RILPL1: variants seen among roughly 807,000 people sequenced by gnomAD.
RILPL1 encodes Rab interacting lysosomal protein like 1.
Under a neutral mutation model 50.3 loss-of-function variants are expected in RILPL1, and 33 were observed. That is an observed-to-expected ratio of 0.66 (90% CI 0.50 to 0.88). The LOEUF (loss-of-function observed/expected upper bound fraction) is 0.88. Ranked by LOEUF, RILPL1 falls within the 40% of genes least tolerant of loss-of-function variation. RILPL1 has a pLI of 0.00. For missense variants in RILPL1, 418 were observed against 542.5 expected (o/e 0.77, Z 2.28); for synonymous variants, 205 against 228.6 (o/e 0.90, Z 0.93).
intron 6 of RILPL1, among the ~76,000 whole-genome samples, chr12:123,482,901 C>T (rs1882088004): frequency 6.6e-6 from 1 of 152,182 alleles, no homozygotes; most frequent in Non-Finnish European, 1.5e-5. Context: ...CCGCACCCAG[C>T]CCCAAGGGCA....
intron 2 of RILPL1, chr12:123,514,552 G>C (rs1884584524): frequency 6.6e-6 from 1 of 151,580 alleles, no homozygotes; most frequent in South Asian, 2.1e-4. Flanking sequence ...TCAGCCTCCC[G>C]AGTAGCTGGG....
chr12:123,503,868 G>T (rs902682070), intron 2 of RILPL1, among the ~76,000 whole-genome samples: 1 of 151,872 alleles, frequency 6.6e-6, no homozygotes. Context: ...AGGCATGGTG[G>T]TGCACGCCTG....
At chr12:123,495,757 G>A (rs1023650327) in intron 4 of RILPL1, among the ~76,000 whole-genome samples, 3 of 119,546 alleles carry the variant, frequency 2.5e-5, no homozygotes, top group African/African-American at 6.5e-5. Flanking sequence ...CTCAGCTAAC[G>A]GCAACCTCCG....
rs996281266 is a variant in RILPL1 at position 123,470,086 on chromosome 12, A to G, written c.*2452T>C. The G allele has an allele frequency of 1.3e-5, 2 of 152,150 alleles. No individual in the cohort carries two copies. Among genetic ancestry groups the G allele is most frequent in the African/African-American group, 2.4e-5 (1 of 41,444 alleles). 9.4% of individuals were successfully genotyped at this position (152,150 alleles called of 1,614,324 possible). A position where few individuals can be genotyped will look rare whatever the true frequency, so the allele number is the denominator to read the frequency against. ...TTTGTTCTTGATTTTATTTTACATA[A>G]TTGCATGTATAAACTTTCTGATGGA... On this transcript the variant is annotated 3_prime_UTR_variant, in exon 7 of 7. Coordinates refer to ENST00000376874, the MANE Select transcript of RILPL1 (RefSeq NM_178314.5).
intron 1 of RILPL1, among the ~76,000 whole-genome samples, chr12:123,524,677 G>C (rs991483727): frequency 6.6e-6 from 1 of 152,178 alleles, no homozygotes; most frequent in African/African-American, 2.4e-5. Flanking sequence ...GACACAAAAG[G>C]TCACATGTTA....
chr12:123,529,594 T>A (rs1332632313), intron 1 of RILPL1, among the ~76,000 whole-genome samples: 1 of 151,950 alleles, frequency 6.6e-6, no homozygotes, highest in Admixed American at 6.6e-5. Flanking sequence ...TTTTTTTTTT[T>A]TTAATCTATC....
In RILPL1 at chr12:123,491,358, C is replaced by T. The variant is rs114434674; in HGVS notation, c.802-5553G>A. On this transcript the variant is annotated intron_variant, in intron 4 of 6. Coordinates refer to ENST00000376874, the MANE Select transcript of RILPL1 (RefSeq NM_178314.5). The surrounding 1 kb of genome is among the most constrained non-coding windows in gnomAD (Gnocchi z 4.0). Reference sequence around the variant, plus strand: ...ACAGCTTCAGAGCGATACCCTGAGGCCTCAGCTGCTTCCCAGGAAGGCCCA... The same window carrying T: ...ACAGCTTCAGAGCGATACCCTGAGGTCTCAGCTGCTTCCCAGGAAGGCCCA... Among the ~76,000 whole-genome samples, 3 of 152,312 alleles carry T rather than the reference C, an allele frequency of 2.0e-5. No individual in the cohort carries two copies. Among genetic ancestry groups the T allele is most frequent in the African/African-American group, 7.2e-5 (3 of 41,564 alleles).
intron 2 of RILPL1, among the ~76,000 whole-genome samples, chr12:123,511,875 TTGTG>T (rs374249383): frequency 1.0e-4 from 11 of 105,328 alleles, no homozygotes; most frequent in African/African-American, 1.9e-4. Context: ...TGTGTGAGGT[TTGTG>T]TGTGTGTGTG....
intron 1 of RILPL1, among the ~76,000 whole-genome samples, chr12:123,530,413 G>A (rs1379841191): frequency 4.6e-5 from 7 of 152,112 alleles, no homozygotes; most frequent in Admixed American, 1.3e-4. Flanking sequence ...TGATCCACCC[G>A]CCTTGGCCCC....
rs1401853943 is a variant in RILPL1 at position 123,471,041 on chromosome 12, T to G, written c.*1497A>C. On this transcript the variant is annotated 3_prime_UTR_variant, in exon 7 of 7. Coordinates refer to ENST00000376874, the MANE Select transcript of RILPL1 (RefSeq NM_178314.5). ...TCTGGAAGCAGAGTCCATTCTAGAT[T>G]CTGCAAATTCACCTGATGGTTTCTT... 1.3e-5 allele frequency: 2 copies of G among 152,108 alleles called. No homozygotes were observed. Among genetic ancestry groups the G allele is most frequent in the African/African-American group, 4.8e-5 (2 of 41,388 alleles). 9.4% of individuals were successfully genotyped at this position (152,108 alleles called of 1,614,324 possible).
intron 2 of RILPL1, among the ~76,000 whole-genome samples, chr12:123,502,113 T>C (rs1427832952): frequency 6.6e-6 from 1 of 151,834 alleles, no homozygotes; most frequent in Non-Finnish European, 1.5e-5. Flanking sequence ...AGCTACTTAT[T>C]TGGGAGTAGA....
At chr12:123,520,221 T>A (rs1016663425) in intron 2 of RILPL1, among the ~76,000 whole-genome samples, 6 of 152,160 alleles carry the variant, frequency 3.9e-5, no homozygotes, top group African/African-American at 1.2e-4. Context: ...GCAAACGACA[T>A]GCAGTATGGC....
rs1881247566 is a variant in RILPL1 at position 123,472,398 on chromosome 12, TCAGA to T, written c.*136_*139del. ...CAGTTTTTCAATGTCCATCCTCAAA[TCAGA>T]CAGTCTGTTTGAGGGGTCAGTTTTC... On this transcript the variant is annotated 3_prime_UTR_variant, in exon 7 of 7. Coordinates refer to ENST00000376874, the MANE Select transcript of RILPL1 (RefSeq NM_178314.5). The T allele has an allele frequency of 1.2e-6, 1 of 841,294 alleles. No homozygotes were observed. The allele number at this position is 841,294 out of a possible 1,614,324, so 52.1% of individuals were successfully genotyped here. A position where few individuals can be genotyped will look rare whatever the true frequency, so the allele number is the denominator to read the frequency against.
intron 6 of RILPL1, chr12:123,472,904 G>T: frequency 1.9e-6 from 1 of 528,370 alleles, no homozygotes; most frequent in Non-Finnish European, 3.4e-6. Context: ...ACGCGGTATG[G>T]GCAAGGCATG....
rs1391436299 is a variant in RILPL1 at position 123,498,847 on chromosome 12, T to C, written c.580-82A>G. 9 of 1,273,568 alleles carry C rather than the reference T, an allele frequency of 7.1e-6. No individual in the cohort carries two copies. In the East Asian group the frequency reaches 1.6e-4, roughly 23 times the overall value. The allele number at this position is 1,273,568 out of a possible 1,614,324, so 78.9% of individuals were successfully genotyped here. ...ACACTGCACAACGGCAAACCATCCA[T>C]AGGTGTGCCATTTACATTGCAGACA... On this transcript the variant is annotated intron_variant, in intron 3 of 6. Transcript: ENST00000376874. This position sits in a 1 kb window ranked among gnomAD's most constrained non-coding sequence, Gnocchi z 4.3.
intron 2 of RILPL1, among the ~76,000 whole-genome samples, chr12:123,504,137 T>C (rs890535963): frequency 6.6e-6 from 1 of 152,158 alleles, no homozygotes; most frequent in Admixed American, 6.6e-5. Flanking sequence ...CCGTAGGTGC[T>C]GGGGCTGCCA....
intron 2 of RILPL1, among the ~76,000 whole-genome samples, chr12:123,512,018 G>A (rs1441235539): frequency 7.0e-6 from 1 of 143,392 alleles, no homozygotes; most frequent in Non-Finnish European, 1.5e-5. Context: ...TGTGAGGTCT[G>A]TGTGTGTAGT....
chr12:123,476,956 C>T (rs1439740239), intron 6 of RILPL1, among the ~76,000 whole-genome samples: 1 of 152,162 alleles, frequency 6.6e-6, no homozygotes, highest in African/African-American at 2.4e-5. Context: ...GGGGGCCTTT[C>T]AGTGTCCTCC....
intron 2 of RILPL1, among the ~76,000 whole-genome samples, chr12:123,499,984 T>A (rs977452390): frequency 2.6e-5 from 4 of 151,204 alleles, no homozygotes; most frequent in Non-Finnish European, 1.5e-5. Context: ...CAGGCTGGAG[T>A]GCAGTGGCGC....
Sources: gnomAD v4.1 joint callset for allele counts (sites outside exome capture counted in the v4.1 genomes callset) on GRCh38, gnomAD v4.1.1 for gene constraint, Gnocchi (gnomAD v3.1) non-coding constraint, MANE v1.5 for transcripts, NCBI Gene and HGNC (gene_info 2026-07-23, HGNC 2026-07-21) for gene names.